Variants in COMMD8 observed in about 807,000 individuals in gnomAD.
COMMD8 encodes the protein COMM domain-containing protein 8.
Under a neutral mutation model 27.2 loss-of-function variants are expected in COMMD8, and 28 were observed. That is an observed-to-expected ratio of 1.03 (90% CI 0.76 to 1.41). The LOEUF (loss-of-function observed/expected upper bound fraction) is 1.41, where lower values mean the gene tolerates loss of function less well. COMMD8 is among the 40% of genes most tolerant of loss of function. The pLI is 0.00. For missense variants in COMMD8, 217 were observed against 211.2 expected (o/e 1.03, Z -0.17); for synonymous variants, 79 against 75.5 (o/e 1.05, Z -0.24).
At chr4:47,459,603 T>C (rs749157755) in intron 2 of COMMD8, among the ~76,000 whole-genome samples, 8 of 152,212 alleles carry the variant, frequency 5.3e-5, no homozygotes, top group Non-Finnish European at 1.2e-4. Flanking sequence ...GATCCATGTT[T>C]ATCAATGTAA....
rs754155159 is a variant in COMMD8 at position 47,460,136 on chromosome 4, G to T, written c.222+8C>A. 3.1e-6 allele frequency: 5 copies of T among 1,610,812 alleles called. No individual in the cohort carries two copies. The African/African-American group carries it at 6.7e-5, about 22-fold the overall frequency. On this transcript the variant is annotated splice_region_variant and intron_variant, in intron 2 of 4. Transcript: ENST00000381571. ...ATTGTAAGTTATAGAAATGTGCAGA[G>T]AAGTTACCTCTTCATCAGGTAAGTT...
In COMMD8 at chr4:47,451,230, AT is replaced by A. The variant is rs1211867019; in HGVS notation, c.*414del. On this transcript the variant is annotated 3_prime_UTR_variant, in exon 5 of 5. Coordinates refer to ENST00000381571, the MANE Select transcript of COMMD8 (RefSeq NM_017845.5). ...TCTTTGAAAAAATTATTTTTTAAAA[AT>A]ATCACAAAGTATATATCCATAATAT... is the stretch of plus-strand genomic sequence containing the variant. 6.3e-6 allele frequency: 1 copy of A among 157,488 alleles called. No homozygotes were observed. Among genetic ancestry groups the A allele is most frequent in the East Asian group, 1.9e-4 (1 of 5,332 alleles). 9.8% of individuals were successfully genotyped at this position (157,488 alleles called of 1,614,324 possible). A position where few individuals can be genotyped will look rare whatever the true frequency, so the allele number is the denominator to read the frequency against.
rs946217289 is a variant in COMMD8, at chr4:47,463,176, G to GT, written c.66+409_66+410insA. On this transcript the variant is annotated intron_variant, in intron 1 of 4. Transcript: ENST00000381571. ...TTCTCTTCCTACCAACCACCCTCAA[G>GT]GGGGGAGGCAGGGTCCGCTTCGGTC... Among the ~76,000 whole-genome samples the GT allele has an allele frequency of 4.6e-3, 22 of 4,768 alleles. No individual in the cohort carries two copies. In the East Asian group the frequency reaches 0.39, roughly 84 times the overall value. The allele number at this position is 4,768 out of a possible 152,430, so 3.1% of individuals were successfully genotyped here.
chr4:47,451,530 T>C lies in COMMD8; in HGVS notation c.*115A>G. 1 of 785,428 alleles carries C rather than the reference T, an allele frequency of 1.3e-6. No homozygotes were observed. Among genetic ancestry groups the C allele is most frequent in the Admixed American group, 2.4e-5 (1 of 42,020 alleles). The allele number at this position is 785,428 out of a possible 1,614,324, so 48.7% of individuals were successfully genotyped here. A position where few individuals can be genotyped will look rare whatever the true frequency, so the allele number is the denominator to read the frequency against. ...TCTTTATAATATCAATATTGCTGCT[T>C]TCTCAGCCTGGTGCAACAGTCAAGA... On this transcript the variant is annotated 3_prime_UTR_variant, in exon 5 of 5. Coordinates refer to ENST00000381571, the MANE Select transcript of COMMD8 (RefSeq NM_017845.5).
At chr4:47,458,876 G>T (rs538345203) in intron 2 of COMMD8, among the ~76,000 whole-genome samples, 1 of 152,052 alleles carries the variant, frequency 6.6e-6, no homozygotes, top group South Asian at 2.1e-4. Context: ...CAAATATAGG[G>T]CCACTTGATT....
intron 1 of COMMD8, 87 bp downstream of exon 1, chr4:47,463,499 G>T: frequency 7.8e-7 from 1 of 1,282,188 alleles, no homozygotes; most frequent in East Asian, 2.6e-5. Context: ...GCTTGCGAAG[G>T]CGTCCGGGTC....
Position 47,453,068 on chromosome 4 carries a change from T to G in COMMD8, c.522A>C (p.Ala174=). ...ELQNLIQSLE[A]ANKVVLQLK is the part of the protein sequence containing the mutation. Reference sequence around the variant, plus strand: ...AAATTATAGCAAATACCTTATTCGCTGCTTCCAAGGACTGTATTAGATTCT... The same window carrying G: ...AAATTATAGCAAATACCTTATTCGCGGCTTCCAAGGACTGTATTAGATTCT... The change falls in exon 4 of 5, where the codon GCA becomes GCC. Residue 174 remains alanine, a synonymous_variant. Transcript: ENST00000381571. 1 of 1,601,424 alleles carries G rather than the reference T, an allele frequency of 6.2e-7. No homozygotes were observed. The highest frequency in any genetic ancestry group is 2.2e-5 in the East Asian group (1 of 44,814).
intron 3 of COMMD8, 113 bp downstream of exon 3, chr4:47,456,464 T>C (rs1445854783): frequency 1.4e-5 from 9 of 665,800 alleles, no homozygotes; most frequent in African/African-American, 1.9e-5. Context: ...CTTTGATATT[T>C]CTTTGGGATA....
At chr4:47,456,486 A>T in intron 3 of COMMD8, 91 bp downstream of exon 3, 2 of 925,566 alleles carry the variant, frequency 2.2e-6, no homozygotes, top group Non-Finnish European at 1.5e-6. Flanking sequence ...TACATTCCCA[A>T]AATAACAAAT....
chr4:47,463,684 C>T lies in COMMD8; in HGVS notation c.-33G>A. On this transcript the variant is annotated 5_prime_UTR_variant, in exon 1 of 5. Transcript: ENST00000381571. ...CGAAGCTGGGGCTTGGGTCACGTGT[C>T]AAGGCTGGCCGCTTGTCTAAAGCTA... 1.3e-6 allele frequency: 2 copies of T among 1,530,512 alleles called. No homozygotes were observed. The allele number at this position is 1,530,512 out of a possible 1,614,324, so 94.8% of individuals were successfully genotyped here.
chr4:47,455,350 C>A (rs1277131180), intron 3 of COMMD8, among the ~76,000 whole-genome samples: 2 of 151,864 alleles, frequency 1.3e-5, no homozygotes. Context: ...AATATAAACT[C>A]TGAAATTGAA....
Position 47,451,577 on chromosome 4 carries a change from G to A in COMMD8, c.*68C>T, listed in dbSNP as rs370817599. ...AAGACATCACAAGGTTTCTGAACAC[G>A]CAGTATTCACTCTGCCATATAAGTT... On this transcript the variant is annotated 3_prime_UTR_variant, in exon 5 of 5. Coordinates refer to ENST00000381571, the MANE Select transcript of COMMD8 (RefSeq NM_017845.5). 1.3e-5 allele frequency: 15 copies of A among 1,187,056 alleles called. No individual in the cohort carries two copies. Among genetic ancestry groups the A allele is most frequent in the South Asian group, 2.5e-5 (2 of 81,148 alleles). 73.5% of individuals were successfully genotyped at this position (1,187,056 alleles called of 1,614,324 possible).
chr4:47,462,472 C>T lies in COMMD8; in HGVS notation c.66+1114G>A, dbSNP rs149919160. Among the ~76,000 whole-genome samples, 1,260 of 152,202 alleles carry T rather than the reference C, an allele frequency of 8.3e-3. 17 individuals carry two copies. The highest frequency in any genetic ancestry group is 0.029 in the African/African-American group (1,190 of 41,536). On this transcript the variant is annotated intron_variant, in intron 1 of 4. Transcript: ENST00000381571. ...GCAAGGGCATACTGAATTTGAGGTA[C>T]CTGTGGCAGAAGCCTGACACTCAGG...
At chr4:47,461,991 GGA>G (rs1212147981) in intron 1 of COMMD8, among the ~76,000 whole-genome samples, 1 of 152,124 alleles carries the variant, frequency 6.6e-6, no homozygotes, top group Non-Finnish European at 1.5e-5. Context: ...AAGCAAAACA[GGA>G]GAGAAGAAGT....
chr4:47,452,656 A>G (rs1420834399), intron 4 of COMMD8, among the ~76,000 whole-genome samples: 2 of 152,234 alleles, frequency 1.3e-5, no homozygotes, highest in Non-Finnish European at 2.9e-5. Context: ...ACATCTGGAG[A>G]AAAAACACTA....
In COMMD8 at chr4:47,463,570, C is replaced by T; in HGVS notation, c.66+16G>A. On this transcript the variant is annotated intron_variant, in intron 1 of 4. Transcript: ENST00000381571. ...ATCCCAGGCCCCGCGCCGCTTCCCC[C>T]GGTACCCGCCCTCACCTGCGGGCCC... 8 of 1,541,470 alleles carry T rather than the reference C, an allele frequency of 5.2e-6. No individual in the cohort carries two copies. Among genetic ancestry groups the T allele is most frequent in the Non-Finnish European group, 7.0e-6 (8 of 1,145,340 alleles).
chr4:47,456,650 A>G lies in COMMD8; in HGVS notation c.302T>C (p.Ile101Thr), dbSNP rs1166882653. 2 of 1,609,914 alleles carry G rather than the reference A, an allele frequency of 1.2e-6. No individual in the cohort carries two copies. The highest frequency in any genetic ancestry group is 2.7e-5 in the African/African-American group (2 of 74,782). Residue 101 changes from isoleucine to threonine, a missense_variant, in exon 3 of 5, where the codon ATC becomes ACC. By Grantham distance (89) the Ile-to-Thr change is moderately conservative (BLOSUM62 -1). Transcript: ENST00000381571. ...TATTTCTCTTGACAGAGCCTGTTTG[A>G]TTTCATCTTTCCTACTTTTCACGCA... ...MKCVKSRKDE[I>T]KQALSREIVA...
chr4:47,452,002 A>T (rs186106885), intron 4 of COMMD8, among the ~76,000 whole-genome samples: 1 of 152,326 alleles, frequency 6.6e-6, no homozygotes, highest in East Asian at 1.9e-4. Context: ...GAAGTTTATC[A>T]GAGTTTTTAA....
chr4:47,454,498 A>G (rs936706049), intron 3 of COMMD8, among the ~76,000 whole-genome samples: 9 of 152,188 alleles, frequency 5.9e-5, no homozygotes, highest in Non-Finnish European at 1.3e-4. Context: ...TTGGCAGCCA[A>G]AACTAAACAG....
Sources: gnomAD v4.1 joint callset for allele counts (sites outside exome capture counted in the v4.1 genomes callset) on GRCh38, gnomAD v4.1.1 for gene constraint, MANE v1.5 for transcripts, NCBI Gene and HGNC (gene_info 2026-07-23, HGNC 2026-07-21) for gene names.